The following GPC5 variants were observed in gnomAD, a reference collection of about 807,000 sequenced individuals.
The protein encoded by GPC5 is glypican 5, also known as glypican-5.
GPC5 carries 47 observed loss-of-function variants against 53.9 expected under a neutral mutation model. That is an observed-to-expected ratio of 0.87 (90% CI 0.69 to 1.11). The LOEUF is 1.11. Ranked by LOEUF, GPC5 falls within the 50% of genes most tolerant of loss-of-function variation. The pLI, the probability that GPC5 is intolerant of heterozygous loss-of-function variation, is 0.00. For synonymous variants in GPC5, 286 were observed against 263.3 expected, an observed-to-expected ratio of 1.09 and a Z score of -0.84; for missense variants, 748 against 713.1, an observed-to-expected ratio of 1.05 and a Z score of -0.56.
Position 91,693,648 on chromosome 13 carries a change from G to T in GPC5, c.787G>T (p.Gly263Cys), listed in dbSNP as rs746203614. Residue 263 changes from glycine (G) to cysteine (C), a missense_variant, in exon 3 of 8, where the codon GGC (glycine) becomes TGC (cysteine). By Grantham distance (159) the Gly-to-Cys change is radical. Coordinates refer to ENST00000377067, the MANE Select transcript of GPC5 (RefSeq NM_004466.6). ...LKMQYCPHCQ[G>C]LALTKPCMGY... The stretch of plus-strand genomic sequence containing the variant: ...GATGCAATACTGCCCGCACTGCCAA[G>T]GCCTGGCGCTCACTAAGCCTTGTAT... 1 of 1,614,086 alleles carries T rather than the reference G, an allele frequency of 6.2e-7. No homozygotes were observed. The highest frequency in any genetic ancestry group is 8.5e-7 in the Non-Finnish European group (1 of 1,179,976).
intron 5 of GPC5, among the ~76,000 whole-genome samples, chr13:91,781,428 A>AC (rs745881928): frequency 1.3e-5 from 2 of 152,216 alleles, no homozygotes; most frequent in African/African-American, 2.4e-5. Flanking sequence ...AACAAATCTA[A>AC]CCTTTTATTT....
chr13:91,998,339 T>C (rs900106318), intron 6 of GPC5, among the ~76,000 whole-genome samples: 19 of 152,222 alleles, frequency 1.2e-4, no homozygotes, highest in African/African-American at 4.6e-4. Context: ...CTTGGCCTGA[T>C]GGCATTTCTA....
At chr13:92,231,034 G>A (rs7334533) in intron 7 of GPC5, among the ~76,000 whole-genome samples, 35,434 of 152,086 alleles carry the variant, frequency 0.23, 4,360 homozygotes, top group African/African-American at 0.31. Context: ...CAAGGGTTGG[G>A]CTTTGCTCTT....
In GPC5 at chr13:91,987,747, T is replaced by C. The variant is rs2040421612; in HGVS notation, c.1401+79690T>C. ...AATAGTATATAAATACTATATATAG[T>C]ATTTATATTATATTATGTATAATAC... is the stretch of plus-strand genomic sequence containing the variant. On this transcript the variant is annotated intron_variant, in intron 6 of 7. Transcript: ENST00000377067. Among the ~76,000 whole-genome samples the C allele has an allele frequency of 2.1e-5, 3 of 145,366 alleles. No individual in the cohort carries two copies. The Admixed American group carries it at 2.1e-4, about 10-fold the overall frequency.
intron 6 of GPC5, among the ~76,000 whole-genome samples, chr13:92,033,537 G>A (rs1179154656): frequency 1.3e-5 from 2 of 152,062 alleles, no homozygotes; most frequent in Non-Finnish European, 2.9e-5. Context: ...CTTTGTTGGA[G>A]GTTGAAAAAT....
chr13:91,736,175 T>C (rs921314346), intron 4 of GPC5, among the ~76,000 whole-genome samples: 1 of 151,162 alleles, frequency 6.6e-6, no homozygotes, highest in African/African-American at 2.5e-5. Flanking sequence ...ATTAAAAAAT[T>C]AAGATAATAA....
At chr13:92,037,762 C>T (rs1284497584) in intron 6 of GPC5, among the ~76,000 whole-genome samples, 1 of 152,094 alleles carries the variant, frequency 6.6e-6, no homozygotes, top group East Asian at 1.9e-4. Flanking sequence ...ACTTAGATGG[C>T]AAATATAAAT....
chr13:92,739,196 C>T (rs1889022297), intron 7 of GPC5, among the ~76,000 whole-genome samples: 1 of 151,976 alleles, frequency 6.6e-6, no homozygotes, highest in African/African-American at 2.4e-5. Context: ...AGGTGATACA[C>T]ATAAAATAAA....
chr13:92,008,093 C>T (rs1434722702), intron 6 of GPC5, among the ~76,000 whole-genome samples: 4 of 136,970 alleles, frequency 2.9e-5, no homozygotes, highest in African/African-American at 8.0e-5. Context: ...GACGGAGTCT[C>T]GCTCTGTCGC....
At chr13:91,587,174 G>A (rs936953004) in intron 2 of GPC5, among the ~76,000 whole-genome samples, 1 of 151,966 alleles carries the variant, frequency 6.6e-6, no homozygotes, top group Non-Finnish European at 1.5e-5. Flanking sequence ...CGTTAATAAC[G>A]AAGTTTTGGA....
chr13:92,737,315 C>T (rs1358332970), intron 7 of GPC5, among the ~76,000 whole-genome samples: 2 of 151,940 alleles, frequency 1.3e-5, no homozygotes, highest in Non-Finnish European at 2.9e-5. Context: ...GAAAACTGGC[C>T]ACTTAAGTAG....
chr13:92,255,094 G>T (rs372719979), intron 7 of GPC5, among the ~76,000 whole-genome samples: 57 of 152,246 alleles, frequency 3.7e-4, no homozygotes, highest in African/African-American at 1.3e-3. Context: ...AGGAGGAGAT[G>T]CATAAGTTGT....
At chr13:91,492,945 C>A (rs923581340) in intron 2 of GPC5, among the ~76,000 whole-genome samples, 1 of 152,102 alleles carries the variant, frequency 6.6e-6, no homozygotes, top group Admixed American at 6.6e-5. Context: ...CTCTTTCCCC[C>A]CAGTGCTTCT....
chr13:91,572,047 A>ATG (rs2031891209), intron 2 of GPC5, among the ~76,000 whole-genome samples: 1 of 108,350 alleles, frequency 9.2e-6, no homozygotes, highest in African/African-American at 4.8e-5. Flanking sequence ...GTATATACAC[A>ATG]CATATGTATA....
intron 6 of GPC5, among the ~76,000 whole-genome samples, chr13:91,971,715 C>T (rs2040243928): frequency 1.3e-5 from 2 of 152,168 alleles, no homozygotes; most frequent in African/African-American, 2.4e-5. Context: ...GCCTTCATTT[C>T]GTTATGTACC....
intron 7 of GPC5, among the ~76,000 whole-genome samples, chr13:92,196,603 T>C (rs888059050): frequency 1.3e-5 from 2 of 152,244 alleles, no homozygotes; most frequent in Non-Finnish European, 2.9e-5. Flanking sequence ...ATTTCACTTT[T>C]GTTTGTAAAA....
intron 2 of GPC5, among the ~76,000 whole-genome samples, chr13:91,645,761 A>G (rs2034543759): frequency 6.6e-6 from 1 of 152,154 alleles, no homozygotes; most frequent in African/African-American, 2.4e-5. Flanking sequence ...TGTTTCTCAA[A>G]CTTTAGCATA....
intron 2 of GPC5, among the ~76,000 whole-genome samples, chr13:91,544,689 A>G (rs188275556): frequency 9.2e-5 from 14 of 152,278 alleles, no homozygotes; most frequent in African/African-American, 3.4e-4. Context: ...ATGTATTTGG[A>G]TGCTTTCTTT....
At chr13:91,483,718 G>T (rs1232494029) in intron 2 of GPC5, among the ~76,000 whole-genome samples, 1 of 152,110 alleles carries the variant, frequency 6.6e-6, no homozygotes, top group Non-Finnish European at 1.5e-5. Flanking sequence ...AGATTATTAT[G>T]AAATAATACA....
Sources: gnomAD v4.1 joint callset for allele counts (sites outside exome capture counted in the v4.1 genomes callset) on GRCh38, gnomAD v4.1.1 for gene constraint, MANE v1.5 for transcripts, NCBI Gene and HGNC (gene_info 2026-07-23, HGNC 2026-07-21) for gene names.